Variants in SYN3 observed in about 807,000 individuals in gnomAD.
SYN3 encodes the protein synapsin-3.
SYN3 carries 35 observed loss-of-function variants against 65.8 expected under a neutral mutation model. The ratio of observed to expected loss-of-function variants is 0.53; its 90% CI spans 0.41 to 0.70. SYN3 has a LOEUF of 0.70. SYN3 is among the 30% of genes least tolerant of loss of function. The pLI, the probability that SYN3 is intolerant of heterozygous loss-of-function variation, is 0.00. For synonymous variants in SYN3, 270 were observed against 292.9 expected (o/e 0.92, Z 0.80); for missense variants, 680 against 749.0 (o/e 0.91, Z 1.08).
At chr22:32,523,027 A>G (rs919436664) in intron 12 of SYN3, among the ~76,000 whole-genome samples, 1 of 152,250 alleles carries the variant, frequency 6.6e-6, no homozygotes. Context: ...CCTTGCATTG[A>G]GCAAGTCTGT....
chr22:32,810,845 C>T (rs2046897508), intron 6 of SYN3, among the ~76,000 whole-genome samples: 1 of 152,036 alleles, frequency 6.6e-6, no homozygotes, highest in African/African-American at 2.4e-5. Context: ...GGAAGGGCTC[C>T]CTTTTGACTT....
intron 6 of SYN3, among the ~76,000 whole-genome samples, chr22:32,772,964 T>G (rs2045812928): frequency 6.6e-6 from 1 of 152,166 alleles, no homozygotes; most frequent in Non-Finnish European, 1.5e-5. Flanking sequence ...AAGAAACTAG[T>G]GCAAGCTAGA....
chr22:32,809,177 A>C (rs2046844093), intron 6 of SYN3, among the ~76,000 whole-genome samples: 1 of 152,248 alleles, frequency 6.6e-6, no homozygotes, highest in Admixed American at 6.5e-5. Flanking sequence ...AGGCTAGGGA[A>C]GCCAAATGGC....
chr22:32,935,410 C>A (rs1021697647), intron 3 of SYN3, among the ~76,000 whole-genome samples: 1 of 151,744 alleles, frequency 6.6e-6, no homozygotes, highest in Non-Finnish European at 1.5e-5. Context: ...AACCTTTTCA[C>A]CACAAATTAT....
At chr22:32,613,831 C>A (rs1235133834) in intron 6 of SYN3, among the ~76,000 whole-genome samples, 1 of 152,108 alleles carries the variant, frequency 6.6e-6, no homozygotes, top group Non-Finnish European at 1.5e-5. Context: ...GTTTTTCAGC[C>A]CTGCCTAGGG....
intron 4 of SYN3, among the ~76,000 whole-genome samples, chr22:32,875,825 C>T (rs544273810): frequency 7.3e-4 from 111 of 152,288 alleles, no homozygotes; most frequent in African/African-American, 2.5e-3. Flanking sequence ...GTCTTGATTT[C>T]AGACGTCTGG....
chr22:32,795,943 A>G (rs1202082478), intron 6 of SYN3, among the ~76,000 whole-genome samples: 1 of 152,160 alleles, frequency 6.6e-6, no homozygotes, highest in Non-Finnish European at 1.5e-5. Flanking sequence ...GCCCAGTCTA[A>G]CAGGAGACCA....
At chr22:32,569,063 G>A (rs1016742) in intron 7 of SYN3, among the ~76,000 whole-genome samples, 37,420 of 151,926 alleles carry the variant, frequency 0.25, 5,056 homozygotes, top group Admixed American at 0.33. Flanking sequence ...GGGTCAGGAT[G>A]GTCTAGATTC....
At chr22:32,962,196 C>T (rs900321833) in intron 3 of SYN3, among the ~76,000 whole-genome samples, 7 of 131,760 alleles carry the variant, frequency 5.3e-5, no homozygotes, top group African/African-American at 1.8e-4. Context: ...AGTGCAGTGG[C>T]GTGATCTTGG....
At chr22:32,672,257 A>C (rs1382020497) in intron 6 of SYN3, among the ~76,000 whole-genome samples, 1 of 152,226 alleles carries the variant, frequency 6.6e-6, no homozygotes, top group Non-Finnish European at 1.5e-5. Context: ...CCTTGGGTCC[A>C]TCTATACAGT....
chr22:32,970,034 C>T (rs1044406914), intron 3 of SYN3, among the ~76,000 whole-genome samples: 2 of 152,174 alleles, frequency 1.3e-5, no homozygotes, highest in Non-Finnish European at 2.9e-5. Context: ...TTTCTGAATG[C>T]TTCAAGAGAC....
intron 6 of SYN3, among the ~76,000 whole-genome samples, chr22:32,623,128 C>G (rs545397627): frequency 6.6e-6 from 1 of 151,902 alleles, no homozygotes; most frequent in South Asian, 2.1e-4. Context: ...GATTGTGAAC[C>G]CCAGGGAGAG....
intron 6 of SYN3, among the ~76,000 whole-genome samples, chr22:32,718,975 T>G (rs1445102325): frequency 2.6e-5 from 4 of 152,252 alleles, no homozygotes; most frequent in African/African-American, 9.6e-5. Flanking sequence ...CTTGCTTTTA[T>G]GTCCACTTCT....
intron 6 of SYN3, among the ~76,000 whole-genome samples, chr22:32,757,823 A>C (rs2045342364): frequency 6.6e-6 from 1 of 151,918 alleles, no homozygotes; most frequent in Non-Finnish European, 1.5e-5. Flanking sequence ...CAGGACTACA[A>C]GTGACCCAGA....
At chr22:32,611,817 A>G (rs1004307911) in intron 6 of SYN3, among the ~76,000 whole-genome samples, 2 of 152,152 alleles carry the variant, frequency 1.3e-5, no homozygotes, top group Non-Finnish European at 2.9e-5. Context: ...TGCTGGGAGC[A>G]TCTTTTGTTC....
intron 6 of SYN3, among the ~76,000 whole-genome samples, chr22:32,810,761 A>C (rs1476987939): frequency 6.6e-6 from 1 of 152,182 alleles, no homozygotes; most frequent in Non-Finnish European, 1.5e-5. Flanking sequence ...TTTCGCAACC[A>C]GGGTCAGATT....
At chr22:32,736,594 G>A (rs1334622268) in intron 6 of SYN3, among the ~76,000 whole-genome samples, 1 of 152,018 alleles carries the variant, frequency 6.6e-6, no homozygotes, top group Non-Finnish European at 1.5e-5. Flanking sequence ...TGAGGCTCAG[G>A]AATGATAATA....
chr22:32,552,362 T>C, intron 7 of SYN3, among the ~76,000 whole-genome samples: 1 of 152,010 alleles, frequency 6.6e-6, no homozygotes, highest in Non-Finnish European at 1.5e-5. Flanking sequence ...ATTGGAGATG[T>C]ACATAAAATA....
Position 33,008,636 on chromosome 22 carries a change from A to G in SYN3, c.-162-1812T>C, listed in dbSNP as rs551846153. Among the ~76,000 whole-genome samples the G allele has an allele frequency of 2.6e-5, 4 of 152,280 alleles. No individual in the cohort carries two copies. In the South Asian group the frequency reaches 8.3e-4, roughly 32 times the overall value. On this transcript the variant is annotated intron_variant, in intron 1 of 13. Coordinates refer to ENST00000358763, the MANE Select transcript of SYN3 (RefSeq NM_003490.4). ...CTCCTGTTGATAAAAATTTGAGGTC[A>G]GGCATGGTGGCTCACACCTGTAATC...
Sources: allele counts gnomAD v4.1 joint callset (sites outside exome capture counted in the v4.1 genomes callset), GRCh38; gene constraint gnomAD v4.1.1; transcripts MANE v1.5; gene names NCBI Gene and HGNC (gene_info 2026-07-23, HGNC 2026-07-21).